Variants in PAX2 observed in about 807,000 individuals in gnomAD.
PAX2 encodes the protein paired box 2, also known as paired box protein Pax-2.
A neutral mutation model predicts 41.7 loss-of-function variants in PAX2; 9 were observed. The observed-to-expected ratio is 0.22, with a 90% CI of 0.13 to 0.38. The LOEUF (loss-of-function observed/expected upper bound fraction) is 0.38. Among genes scored for constraint, PAX2 ranks in the 10% least tolerant of loss-of-function variants. The pLI, the probability that PAX2 is intolerant of heterozygous loss-of-function variation, is 1.00. For synonymous variants in PAX2, 221 were observed against 212.7 expected, an observed-to-expected ratio of 1.04 and a Z score of -0.34; for missense variants, 418 against 531.6, an observed-to-expected ratio of 0.79 and a Z score of 2.10.
At position 100,799,060 on chromosome 10, in the gene PAX2, G is replaced by A. The variant is rs542779086; in HGVS notation, c.617-7370G>A. ...TGGCAGCTGGGAAGACTGGGGGGCA[G>A]CCTGGGGGTGAACCCCTCAGAGGCG... On this transcript the variant is annotated intron_variant, in intron 5 of 9. Coordinates refer to ENST00000355243, the MANE Select transcript of PAX2 (RefSeq NM_000278.5). 1.5e-3 allele frequency among the ~76,000 whole-genome samples: 236 copies of A among 152,380 alleles called. 2 individuals carry two copies. The highest frequency in any genetic ancestry group is 5.6e-3 in the African/African-American group (231 of 41,602).
chr10:100,758,073 T>C (rs1845699787), intron 3 of PAX2, among the ~76,000 whole-genome samples: 1 of 152,036 alleles, frequency 6.6e-6, no homozygotes, highest in African/African-American at 2.4e-5. Context: ...AGAACAGATT[T>C]TGTGTTTTCC....
At chr10:100,743,172 AG>A (rs745428614), upstream of PAX2, among the ~76,000 whole-genome samples, 27 of 152,086 alleles carry the variant, frequency 1.8e-4, no homozygotes, top group Admixed American at 3.3e-4. Context: ...TCCCAGGAGC[AG>A]GGGGGACTCT....
chr10:100,777,351 G>A (rs1047564344), intron 3 of PAX2, among the ~76,000 whole-genome samples: 3 of 150,026 alleles, frequency 2.0e-5, no homozygotes, highest in African/African-American at 4.9e-5. Flanking sequence ...TGCCTGCGTC[G>A]GCCTCCCAAA....
chr10:100,826,976 G>A lies in PAX2; in HGVS notation c.1022-33G>A, dbSNP rs199837740. The A allele has an allele frequency of 7.7e-4, 1,149 of 1,491,332 alleles. 6 individuals carry two copies. The African/African-American group carries it at 0.015, about 19-fold the overall frequency. The allele number at this position is 1,491,332 out of a possible 1,614,324, so 92.4% of individuals were successfully genotyped here. A position where few individuals can be genotyped will look rare whatever the true frequency, so the allele number is the denominator to read the frequency against. ...TCGTGGGGTCCGCCCTGGCTTGCAG[G>A]CGTCTGATCCCCACTCCCCGACCCT... is the stretch of plus-strand genomic sequence containing the variant. On this transcript the variant is annotated intron_variant, in intron 8 of 9. Coordinates refer to ENST00000355243, the MANE Select transcript of PAX2 (RefSeq NM_000278.5). This position sits in a 1 kb window ranked among gnomAD's most constrained non-coding sequence, Gnocchi z 5.5.
chr10:100,747,474 TGCAGG>T, intron 1 of PAX2: 2 of 269,934 alleles, frequency 7.4e-6, no homozygotes, highest in Non-Finnish European at 1.1e-5. Flanking sequence ...AGATTTTTTT[TGCAGG>T]CTTTTTTTTT....
chr10:100,756,086 A>G (rs894629271), intron 3 of PAX2, among the ~76,000 whole-genome samples: 1 of 152,186 alleles, frequency 6.6e-6, no homozygotes, highest in African/African-American at 2.4e-5. Context: ...GTGACTATGC[A>G]TGATGGCATG....
chr10:100,740,484 A>G (rs1844915413), intron 1 of PAX2, among the ~76,000 whole-genome samples: 1 of 152,230 alleles, frequency 6.6e-6, no homozygotes, highest in Non-Finnish European at 1.5e-5. Flanking sequence ...TAACCTTTAT[A>G]GGATTGAAGT....
chr10:100,748,167 C>T lies in PAX2; in HGVS notation c.44-1579C>T. ...ACCCCTTAGACTGGGGCTGAGGGGC[C>T]GGGCCCTGAGCCCGGGGAGGCTGAA... On this transcript the variant is annotated intron_variant, in intron 1 of 9. Transcript: ENST00000355243. The surrounding 1 kb of genome is among the most constrained non-coding windows in gnomAD (Gnocchi z 5.0). 1.0e-6 allele frequency: 1 copy of T among 985,272 alleles called. No individual in the cohort carries two copies. The highest frequency in any genetic ancestry group is 1.2e-6 in the Non-Finnish European group (1 of 829,956). 61.0% of individuals were successfully genotyped at this position (985,272 alleles called of 1,614,324 possible).
intron 7 of PAX2, among the ~76,000 whole-genome samples, chr10:100,822,431 G>A (rs1386781744): frequency 6.6e-6 from 1 of 152,120 alleles, no homozygotes; most frequent in Non-Finnish European, 1.5e-5. Flanking sequence ...TAACCCATCA[G>A]GAATTGGCTG....
chr10:100,767,269 C>A (rs1846061287), intron 3 of PAX2, among the ~76,000 whole-genome samples: 1 of 152,156 alleles, frequency 6.6e-6, no homozygotes, highest in Admixed American at 6.5e-5. Flanking sequence ...TGCAGTCCTC[C>A]CAAGCACGAT....
chr10:100,797,780 G>A (rs964032917), intron 5 of PAX2, among the ~76,000 whole-genome samples: 1 of 152,194 alleles, frequency 6.6e-6, no homozygotes, highest in Admixed American at 6.5e-5. Context: ...ATCCAGAAAA[G>A]CTCAGGAGAT....
intron 1 of PAX2, among the ~76,000 whole-genome samples, chr10:100,739,394 G>A (rs1055855645): frequency 1.3e-5 from 2 of 152,142 alleles, no homozygotes; most frequent in African/African-American, 4.8e-5. Flanking sequence ...CGCGCTCTCC[G>A]CCTGCTCCTC....
chr10:100,818,666 C>T (rs889666507), intron 7 of PAX2, among the ~76,000 whole-genome samples: 1 of 152,082 alleles, frequency 6.6e-6, no homozygotes, highest in Non-Finnish European at 1.5e-5. Flanking sequence ...TCAGTTAACC[C>T]CAATTTAAAA....
intron 7 of PAX2, among the ~76,000 whole-genome samples, chr10:100,813,865 G>A (rs922580710): frequency 6.6e-6 from 1 of 152,056 alleles, no homozygotes; most frequent in African/African-American, 2.4e-5. Flanking sequence ...GACTCCCACA[G>A]GGGGAAGAAA....
At chr10:100,797,974 T>C (rs1847396362) in intron 5 of PAX2, among the ~76,000 whole-genome samples, 1 of 152,126 alleles carries the variant, frequency 6.6e-6, no homozygotes, top group African/African-American at 2.4e-5. Context: ...ATGAACTCAC[T>C]GAGTGTTTAG....
At chr10:100,798,361 C>T (rs1456877811) in intron 5 of PAX2, among the ~76,000 whole-genome samples, 4 of 151,986 alleles carry the variant, frequency 2.6e-5, no homozygotes, top group Non-Finnish European at 4.4e-5. Flanking sequence ...AGCAATCTGC[C>T]CACCTCGGCC....
In PAX2 at chr10:100,750,416, G is replaced by C. The variant is rs563236846; in HGVS notation, c.213-278G>C. Among the ~76,000 whole-genome samples the C allele has an allele frequency of 2.0e-5, 3 of 152,144 alleles. No homozygotes were observed. Among genetic ancestry groups the C allele is most frequent in the Non-Finnish European group, 4.4e-5 (3 of 68,024 alleles). On this transcript the variant is annotated intron_variant, in intron 2 of 9. Coordinates refer to ENST00000355243, the MANE Select transcript of PAX2 (RefSeq NM_000278.5). The surrounding 1 kb of genome is among the most constrained non-coding windows in gnomAD (Gnocchi z 4.1). Reference sequence around the variant, plus strand: ...TCGTTTTGCTCTTCCCAAGTGAAAGGCTGGGCTTTCACTCCCACGGGTGCC... The same window carrying C: ...TCGTTTTGCTCTTCCCAAGTGAAAGCCTGGGCTTTCACTCCCACGGGTGCC...
intron 1 of PAX2, chr10:100,749,491 C>A: frequency 3.0e-6 from 4 of 1,326,770 alleles, no homozygotes; most frequent in Non-Finnish European, 3.8e-6. Flanking sequence ...TCTCCAGTCC[C>A]CCCTTTGCTT....
At chr10:100,807,228 A>C (rs545047525) in intron 6 of PAX2, among the ~76,000 whole-genome samples, 1 of 152,156 alleles carries the variant, frequency 6.6e-6, no homozygotes, top group East Asian at 1.9e-4. Flanking sequence ...CAACGCAGAA[A>C]CCATCTCCGA....
Sources: allele counts gnomAD v4.1 joint callset (sites outside exome capture counted in the v4.1 genomes callset), GRCh38; gene constraint gnomAD v4.1.1; non-coding constraint Gnocchi (gnomAD v3.1); transcripts MANE v1.5; gene names NCBI Gene and HGNC (gene_info 2026-07-23, HGNC 2026-07-21).